FNIP1: variants seen among roughly 807,000 people sequenced by gnomAD.
FNIP1 encodes folliculin interacting protein 1, also known as folliculin-interacting protein 1.
In FNIP1, 40 loss-of-function variants were observed where a neutral mutation model predicts 124.5. The observed-to-expected ratio is 0.32, with a 90% CI of 0.25 to 0.42. FNIP1 has a LOEUF of 0.42. FNIP1 is among the 10% of genes least tolerant of loss of function. The pLI is 1.00. For synonymous variants in FNIP1, 472 were observed against 470.6 expected (o/e 1.00, Z -0.04); for missense variants, 1,176 against 1,403.7 (o/e 0.84, Z 2.59).
intron 15 of FNIP1, among the ~76,000 whole-genome samples, chr5:131,669,553 T>C (rs1246623219): frequency 6.6e-6 from 1 of 151,888 alleles, no homozygotes; most frequent in African/African-American, 2.4e-5. Flanking sequence ...ATCCATGACA[T>C]TAATAGTTTA....
rs772906170 is a variant in FNIP1 at position 131,671,763 on chromosome 5, T to C, written c.2681A>G (p.Asp894Gly). 5 of 1,614,166 alleles carry C rather than the reference T, an allele frequency of 3.1e-6. No homozygotes were observed. The South Asian group carries it at 5.5e-5, about 18-fold the overall frequency. ...FCKCIETVPQ[D>G]SCKTCFPQQD... The stretch of plus-strand genomic sequence containing the variant: ...CTGAGGAAAGCAGGTTTTACATGAA[T>C]CTTGGGGAACTGTTTCTATACATTT... The change falls in exon 14 of 18, where the codon GAT (aspartate) becomes GGT (glycine). Residue 894 changes from aspartate (D) to glycine (G), a missense_variant. Coordinates refer to ENST00000510461, the MANE Select transcript of FNIP1 (RefSeq NM_133372.3).
At chr5:131,745,642 C>T (rs1461716561) in intron 1 of FNIP1, among the ~76,000 whole-genome samples, 1 of 151,954 alleles carries the variant, frequency 6.6e-6, no homozygotes, top group African/African-American at 2.4e-5. Flanking sequence ...CACACACATA[C>T]ACTAAAACAA....
intron 15 of FNIP1, among the ~76,000 whole-genome samples, chr5:131,665,846 C>A (rs1767585563): frequency 6.6e-6 from 1 of 151,492 alleles, no homozygotes; most frequent in South Asian, 2.1e-4. Context: ...ACCTTGGCCT[C>A]CCAAAGTGCT....
chr5:131,652,101 A>T (rs936945007), intron 15 of FNIP1, 102 bp from the exon 16 acceptor site: 34 of 1,063,032 alleles, frequency 3.2e-5, no homozygotes, highest in Middle Eastern at 2.1e-4. Flanking sequence ...CAGAAAAAAA[A>T]ATTAAACTTC....
intron 11 of FNIP1, among the ~76,000 whole-genome samples, chr5:131,679,443 C>T (rs1396140188): frequency 6.6e-6 from 1 of 152,192 alleles, no homozygotes; most frequent in African/African-American, 2.4e-5. Flanking sequence ...GCATTTGTTT[C>T]CCATACCTGT....
intron 11 of FNIP1, among the ~76,000 whole-genome samples, chr5:131,690,284 T>C (rs760537421): frequency 1.3e-5 from 2 of 152,088 alleles, no homozygotes; most frequent in African/African-American, 2.4e-5. Context: ...GAAAAAGATA[T>C]ACTACATTAA....
intron 1 of FNIP1, among the ~76,000 whole-genome samples, chr5:131,746,458 A>G (rs1003160044): frequency 6.6e-6 from 1 of 152,048 alleles, no homozygotes; most frequent in Non-Finnish European, 1.5e-5. Flanking sequence ...CTCAGTGTCT[A>G]TTGTTGCCAT....
chr5:131,763,453 T>C (rs1016067), intron 1 of FNIP1, among the ~76,000 whole-genome samples: 14,225 of 152,140 alleles, frequency 0.093, 1,523 homozygotes, highest in African/African-American at 0.26. Context: ...TACAGTTCTG[T>C]AGGCTGTACA....
In FNIP1 at chr5:131,672,270, G is replaced by A. The variant is rs146338247; in HGVS notation, c.2174C>T (p.Thr725Ile). 3.2e-5 allele frequency: 51 copies of A among 1,614,042 alleles called. 1 individual carries two copies. Among genetic ancestry groups the A allele is most frequent in the Admixed American group, 1.0e-4 (6 of 59,996 alleles). Residue 725 changes from threonine (T) to isoleucine (I), a missense_variant, in exon 14 of 18, where the codon ACA (threonine) becomes ATA (isoleucine). Around this residue, in one of 2 missense-constraint regions of FNIP1, gnomAD observed 1,109 missense variants for 1,288.5 expected, o/e 0.86. Coordinates refer to ENST00000510461, the MANE Select transcript of FNIP1 (RefSeq NM_133372.3). ...AGGTTTTTTTTCCACAACCATTCCTGTGGATCTCATTGCTTTGCCTGTGTG... is the reference window on the plus strand; with the variant it reads ...AGGTTTTTTTTCCACAACCATTCCTATGGATCTCATTGCTTTGCCTGTGTG... ...DSHTGKAMRSTGMVVEKKPPD... is the reference protein window; with the variant it reads ...DSHTGKAMRSIGMVVEKKPPD...
chr5:131,651,647 C>A (rs781321510), intron 16 of FNIP1, among the ~76,000 whole-genome samples, 155 bp downstream of exon 16: 3 of 152,192 alleles, frequency 2.0e-5, no homozygotes, highest in Non-Finnish European at 2.9e-5. Context: ...AAGATCCTAT[C>A]TCCAAATACT....
chr5:131,659,578 C>G (rs1428629044), intron 15 of FNIP1, among the ~76,000 whole-genome samples: 1 of 152,210 alleles, frequency 6.6e-6, no homozygotes, highest in Non-Finnish European at 1.5e-5. Flanking sequence ...CCCGGCCAGC[C>G]ACGTCCAGAC....
In FNIP1 at chr5:131,744,425, T is replaced by C. The variant is rs563074290; in HGVS notation, c.219+139A>G. 5.1e-6 allele frequency: 4 copies of C among 783,782 alleles called. No homozygotes were observed. The African/African-American group carries it at 5.3e-5, about 10-fold the overall frequency. 48.6% of individuals were successfully genotyped at this position (783,782 alleles called of 1,614,324 possible). On this transcript the variant is annotated intron_variant, in intron 2 of 17. Coordinates refer to ENST00000510461, the MANE Select transcript of FNIP1 (RefSeq NM_133372.3). ...AGCTATTCAAATCAAAATGTTAGAT[T>C]CACCAAACATTTCCTTCTCCCTCAG...
chr5:131,738,023 C>G (rs1396468785), intron 2 of FNIP1, among the ~76,000 whole-genome samples: 1 of 152,076 alleles, frequency 6.6e-6, no homozygotes, highest in Non-Finnish European at 1.5e-5. Context: ...TAGTTTTTGT[C>G]ATTAGAAAAG....
At chr5:131,731,707 G>C (rs998280414) in intron 2 of FNIP1, among the ~76,000 whole-genome samples, 1 of 151,512 alleles carries the variant, frequency 6.6e-6, no homozygotes, top group South Asian at 2.1e-4. Flanking sequence ...AAGTTATCGA[G>C]GATCCCAAGA....
chr5:131,758,107 G>T (rs1431694621), intron 1 of FNIP1, among the ~76,000 whole-genome samples: 5 of 152,146 alleles, frequency 3.3e-5, no homozygotes, highest in Non-Finnish European at 1.5e-5. Context: ...CCTAAAAGTT[G>T]CCTGACAAAT....
intron 1 of FNIP1, among the ~76,000 whole-genome samples, chr5:131,785,709 A>C (rs1278587382): frequency 6.6e-6 from 1 of 152,198 alleles, no homozygotes; most frequent in Non-Finnish European, 1.5e-5. Context: ...TCGTTAAAAA[A>C]AATTTAAAAT....
Position 131,647,093 on chromosome 5 carries a change from A to T in FNIP1, c.3419T>A (p.Leu1140Gln). 1.9e-6 allele frequency: 3 copies of T among 1,614,032 alleles called. No individual in the cohort carries two copies. Among genetic ancestry groups the T allele is most frequent in the Non-Finnish European group, 2.5e-6 (3 of 1,179,922 alleles). The change falls in exon 17 of 18, where the codon CTG becomes CAG. Residue 1140 changes from leucine (L) to glutamine (Q), a missense_variant. By Grantham distance (113) the Leu-to-Gln change is moderately radical. Around this residue, in one of 2 missense-constraint regions of FNIP1, gnomAD observed 67 missense variants for 115.2 expected, o/e 0.58. Coordinates refer to ENST00000510461, the MANE Select transcript of FNIP1 (RefSeq NM_133372.3). ...AAAAAAGAAACCATTAACATACCCCAGAACCACTCCCAGCTCCTTGACATG... is the reference window on the plus strand; with the variant it reads ...AAAAAAGAAACCATTAACATACCCCTGAACCACTCCCAGCTCCTTGACATG... ...RVHVKELGVV[L>Q]GIESSDLPLL...
intron 1 of FNIP1, among the ~76,000 whole-genome samples, chr5:131,787,954 T>C (rs1772271901): frequency 6.6e-6 from 1 of 152,090 alleles, no homozygotes; most frequent in African/African-American, 2.4e-5. Flanking sequence ...AACTCAAGCC[T>C]GGGTGACACA....
intron 1 of FNIP1, among the ~76,000 whole-genome samples, chr5:131,761,159 T>A (rs1771217093): frequency 6.6e-6 from 1 of 152,212 alleles, no homozygotes; most frequent in South Asian, 2.1e-4. Context: ...GACAGCAAAG[T>A]ATATGGTCAT....
Sources: gnomAD v4.1 joint callset for allele counts (sites outside exome capture counted in the v4.1 genomes callset) on GRCh38, gnomAD v4.1.1 for gene constraint, gnomAD v4.1.1 regional missense constraint, MANE v1.5 for transcripts, NCBI Gene and HGNC (gene_info 2026-07-23, HGNC 2026-07-21) for gene names.